Variants in BEAN1 observed in about 807,000 individuals in gnomAD.
BEAN1 encodes the protein brain expressed associated with NEDD4 1.
BEAN1 carries 17 observed loss-of-function variants against 17.7 expected under a neutral mutation model. The ratio of observed to expected loss-of-function variants is 0.96; its 90% CI spans 0.66 to 1.44. The LOEUF is 1.44. Among genes scored for constraint, BEAN1 ranks in the 40% most tolerant of loss-of-function variants. BEAN1 has a pLI of 0.00. For missense variants in BEAN1, 359 were observed against 374.1 expected (o/e 0.96, Z 0.33); for synonymous variants, 142 against 151.8 (o/e 0.94, Z 0.47).
intron 2 of BEAN1, among the ~76,000 whole-genome samples, chr16:66,468,707 A>T (rs544473650): frequency 5.2e-4 from 79 of 152,276 alleles, no homozygotes; most frequent in African/African-American, 1.8e-3. Flanking sequence ...GAATTCAGTG[A>T]CACTCCAAGA....
At chr16:66,488,315 G>C (rs1034723820) in intron 4 of BEAN1, among the ~76,000 whole-genome samples, 2 of 152,082 alleles carry the variant, frequency 1.3e-5, no homozygotes, top group Non-Finnish European at 2.9e-5. Flanking sequence ...TCTCCCTAGG[G>C]AACAAAACTG....
At chr16:66,432,701 T>A (rs1220452465) in intron 1 of BEAN1, among the ~76,000 whole-genome samples, 1 of 152,190 alleles carries the variant, frequency 6.6e-6, no homozygotes, top group Admixed American at 6.5e-5. Context: ...AGACAGGGAA[T>A]CACCTTACAC....
At chr16:66,442,827 C>G (rs1962308354) in intron 2 of BEAN1, among the ~76,000 whole-genome samples, 1 of 152,172 alleles carries the variant, frequency 6.6e-6, no homozygotes, top group Non-Finnish European at 1.5e-5. Context: ...TTTTGGCTAC[C>G]TTCTCCCTAC....
At chr16:66,453,342 T>TACACACACACACAC (rs34867737) in intron 2 of BEAN1, among the ~76,000 whole-genome samples, 49 of 147,732 alleles carry the variant, frequency 3.3e-4, no homozygotes, top group African/African-American at 1.1e-3. Context: ...CATTCTGTTA[T>TACACACACACACAC]ACACACACAC....
At chr16:66,459,288 C>G (rs2142412642) in intron 2 of BEAN1, among the ~76,000 whole-genome samples, 1 of 152,222 alleles carries the variant, frequency 6.6e-6, no homozygotes, top group Non-Finnish European at 1.5e-5. Flanking sequence ...CCCTCTTTGC[C>G]CTTGGGGAAA....
rs768614090 is a variant in BEAN1 at position 66,434,686 on chromosome 16, G to A, written c.-82-2909G>A. 5.9e-4 allele frequency among the ~76,000 whole-genome samples: 90 copies of A among 152,100 alleles called. No individual in the cohort carries two copies. Among genetic ancestry groups the A allele is most frequent in the Non-Finnish European group, 1.0e-3 (71 of 68,024 alleles). ...TGCAGGAGGCAGGGAGTGGCAGCCC[G>A]GGTTACTGTTGGCATCGTGGTCACC... On this transcript the variant is annotated intron_variant, in intron 1 of 4. Coordinates refer to ENST00000536005, the MANE Select transcript of BEAN1 (RefSeq NM_001178020.3). This position sits in a 1 kb window ranked among gnomAD's most constrained non-coding sequence, Gnocchi z 4.3.
downstream of BEAN1, among the ~76,000 whole-genome samples, chr16:66,495,145 G>C (rs1226559540): frequency 6.6e-6 from 1 of 152,172 alleles, no homozygotes; most frequent in Non-Finnish European, 1.5e-5. Flanking sequence ...GATTTTAAAA[G>C]CTTTGGCTCC....
intron 2 of BEAN1, among the ~76,000 whole-genome samples, chr16:66,466,860 C>T (rs913423505): frequency 6.6e-6 from 1 of 152,230 alleles, no homozygotes; most frequent in African/African-American, 2.4e-5. Flanking sequence ...TGAGCCACTG[C>T]GCCCAGCCTG....
Position 66,480,699 on chromosome 16 carries a change from G to C in BEAN1, c.554G>C (p.Gly185Ala). 2 of 1,551,656 alleles carry C rather than the reference G, an allele frequency of 1.3e-6. No individual in the cohort carries two copies. Among genetic ancestry groups the C allele is most frequent in the Non-Finnish European group, 1.7e-6 (2 of 1,146,970 alleles). ...ACGCTGGATGGCACCTCCGACTCAG[G>C]CAGCGGCCACAGCCCTGGCCGACAC... is the stretch of plus-strand genomic sequence containing the variant. ...CPTLDGTSDSGSGHSPGRHQQ... is the reference protein window; with the variant it reads ...CPTLDGTSDSASGHSPGRHQQ... The change falls in exon 5 of 5, where the codon GGC becomes GCC. Residue 185 changes from glycine to alanine, a missense_variant. Gly to Ala is a moderately conservative substitution (Grantham distance 60, BLOSUM62 0). Coordinates refer to ENST00000536005, the MANE Select transcript of BEAN1 (RefSeq NM_001178020.3).
chr16:66,486,394 C>T (rs576309810), downstream of BEAN1, among the ~76,000 whole-genome samples: 35 of 152,264 alleles, frequency 2.3e-4, no homozygotes, highest in African/African-American at 7.0e-4. Context: ...GCTGGGATTA[C>T]GGGCACATGT....
chr16:66,441,355 C>T (rs931552171), intron 2 of BEAN1, among the ~76,000 whole-genome samples: 3 of 152,140 alleles, frequency 2.0e-5, no homozygotes, highest in African/African-American at 7.2e-5. Flanking sequence ...GAAGGAAACC[C>T]GGAAATCCCA....
intron 3 of BEAN1, among the ~76,000 whole-genome samples, chr16:66,477,177 TA>T (rs1298810064): frequency 6.6e-6 from 1 of 152,118 alleles, no homozygotes; most frequent in Non-Finnish European, 1.5e-5. Flanking sequence ...GACTCAGCTG[TA>T]GCAGCCCCTC....
chr16:66,430,944 A>G (rs1961773141), intron 1 of BEAN1, among the ~76,000 whole-genome samples: 1 of 152,256 alleles, frequency 6.6e-6, no homozygotes, highest in Non-Finnish European at 1.5e-5. Context: ...GTATAGGTTG[A>G]TTGAAAATAA....
intron 1 of BEAN1, among the ~76,000 whole-genome samples, chr16:66,431,091 G>A (rs1413019419): frequency 1.3e-5 from 2 of 152,174 alleles, no homozygotes; most frequent in African/African-American, 4.8e-5. Flanking sequence ...TTATCAGTGA[G>A]TTCAATGACA....
chr16:66,480,342 T>C (rs1250385099), intron 4 of BEAN1, among the ~76,000 whole-genome samples: 1 of 152,100 alleles, frequency 6.6e-6, no homozygotes, highest in Admixed American at 6.5e-5. Flanking sequence ...CAGCTCAGTG[T>C]TCATGCGTTG....
intron 2 of BEAN1, among the ~76,000 whole-genome samples, chr16:66,452,464 C>T (rs1401780410): frequency 6.6e-6 from 1 of 152,166 alleles, no homozygotes; most frequent in Non-Finnish European, 1.5e-5. Context: ...GGCTTTGGGC[C>T]TGGGCAGCAT....
intron 3 of BEAN1, chr16:66,475,952 T>C (rs1450130163): frequency 2.0e-5 from 3 of 151,646 alleles, no homozygotes; most frequent in African/African-American, 7.3e-5. Flanking sequence ...CTACTAAAAA[T>C]ACAAAAAATG....
intron 2 of BEAN1, among the ~76,000 whole-genome samples, chr16:66,444,783 G>A (rs1358021785): frequency 1.3e-5 from 2 of 152,176 alleles, no homozygotes; most frequent in South Asian, 2.1e-4. Context: ...TACCTGCCAT[G>A]AGCGGGAGGT....
chr16:66,444,326 C>T (rs1405310828), intron 2 of BEAN1, among the ~76,000 whole-genome samples: 3 of 152,212 alleles, frequency 2.0e-5, no homozygotes, highest in Admixed American at 6.5e-5. Context: ...TTCCTGACCT[C>T]CCTCCAGGAC....
Sources: gnomAD v4.1 joint callset for allele counts (sites outside exome capture counted in the v4.1 genomes callset) on GRCh38, gnomAD v4.1.1 for gene constraint, Gnocchi (gnomAD v3.1) non-coding constraint, MANE v1.5 for transcripts, NCBI Gene and HGNC (gene_info 2026-07-23, HGNC 2026-07-21) for gene names.